ERCC6: variants seen among roughly 807,000 people sequenced by gnomAD.
ERCC6 encodes the protein ERCC excision repair 6, chromatin remodeling factor.
A neutral mutation model predicts 158.7 loss-of-function variants in ERCC6; 116 were observed. That is an observed-to-expected ratio of 0.73 (90% CI 0.63 to 0.85). The LOEUF (loss-of-function observed/expected upper bound fraction) is 0.85. ERCC6 is among the 40% of genes least tolerant of loss of function. The probability of loss-of-function intolerance (pLI) is 0.00; values close to 1 mark genes in which losing one functional copy is unlikely to be tolerated. For missense variants in ERCC6, 1,698 were observed against 1,799.4 expected, an observed-to-expected ratio of 0.94 and a Z score of 1.02; for synonymous variants, 678 against 659.3, an observed-to-expected ratio of 1.03 and a Z score of -0.43.
At chr10:49,475,519 A>C in intron 12 of ERCC6, 1 of 391,380 alleles carries the variant, frequency 2.6e-6, no homozygotes, top group South Asian at 2.0e-5. Flanking sequence ...ATAAGAAATG[A>C]AATAAGAAAT....
rs1850458279 is a variant in ERCC6 at position 49,454,741 on chromosome 10, T to C, written c.*4074A>G. On this transcript the variant is annotated 3_prime_UTR_variant, in exon 21 of 21. Transcript: ENST00000355832. ...AAAGCTATACAATTATATCAATATA[T>C]ACCAGAAAAGACTTTGAGGACAATC... is the stretch of plus-strand genomic sequence containing the variant. Among the ~76,000 whole-genome samples, 1 of 152,164 alleles carries C rather than the reference T, an allele frequency of 6.6e-6. No individual in the cohort carries two copies. Among genetic ancestry groups the C allele is most frequent in the South Asian group, 2.1e-4 (1 of 4,836 alleles).
At chr10:49,452,360 A>G (rs1052133100), downstream of ERCC6, among the ~76,000 whole-genome samples, 5 of 151,940 alleles carry the variant, frequency 3.3e-5, no homozygotes, top group Admixed American at 2.6e-4. Context: ...GTCATTTAGT[A>G]GTGTGTTGTT....
At chr10:49,487,562 ACCAT>A (rs142013483) in intron 8 of ERCC6, among the ~76,000 whole-genome samples, 3,593 of 152,168 alleles carry the variant, frequency 0.024, 148 homozygotes, top group African/African-American at 0.081. Context: ...CCAGAGAAAA[ACCAT>A]CCACCTTTAG....
Position 49,532,843 on chromosome 10 carries a change from A to G in ERCC6, c.122T>C (p.Val41Ala). 6.2e-7 allele frequency: 1 copy of G among 1,613,924 alleles called. No homozygotes were observed. Among genetic ancestry groups the G allele is most frequent in the Non-Finnish European group, 8.5e-7 (1 of 1,179,966 alleles). The part of the protein sequence containing the change: ...IKQESGGDGE[V>A]EEYLSFRSVG... ...AGAACGAAAGGAGAGGTACTCCTCC[A>G]CCTCCCCATCACCACCACTTTCTTG... is the stretch of plus-strand genomic sequence containing the variant. The change falls in exon 2 of 21, where the codon GTG becomes GCG. Residue 41 changes from valine to alanine, a missense_variant. Transcript: ENST00000355832.
intron 8 of ERCC6, 109 bp downstream of exon 8, chr10:49,493,008 A>G: frequency 1.7e-6 from 2 of 1,183,700 alleles, no homozygotes; most frequent in Non-Finnish European, 2.4e-6. Flanking sequence ...AATGCAGGAA[A>G]AAAAACACAG....
At chr10:49,490,306 T>C (rs187405520) in intron 8 of ERCC6, among the ~76,000 whole-genome samples, 49 of 151,728 alleles carry the variant, frequency 3.2e-4, no homozygotes, top group Admixed American at 1.8e-3. Flanking sequence ...ATGATAGATG[T>C]GCTTAATTGA....
chr10:49,444,446 T>C, the ERCC6 span, among the ~76,000 whole-genome samples: 1 of 152,078 alleles, frequency 6.6e-6, no homozygotes, highest in Admixed American at 6.5e-5. Context: ...ACTGCAGCAC[T>C]GGAGGAGGCA....
At chr10:49,523,951 T>A (rs1837241147) in intron 5 of ERCC6, 82 bp downstream of exon 5, 9 of 1,576,654 alleles carry the variant, frequency 5.7e-6, no homozygotes, top group Non-Finnish European at 8.6e-7. Context: ...TTAAGCTGGA[T>A]CTAGAATGCT....
At chr10:49,468,061 T>C (rs1850708584) in intron 18 of ERCC6, among the ~76,000 whole-genome samples, 1 of 152,212 alleles carries the variant, frequency 6.6e-6, no homozygotes, top group Non-Finnish European at 1.5e-5. Context: ...CAGTCTTAGC[T>C]GGTGGGAACA....
At chr10:49,523,310 C>T (rs1049068095) in intron 5 of ERCC6, among the ~76,000 whole-genome samples, 1 of 152,218 alleles carries the variant, frequency 6.6e-6, no homozygotes, top group African/African-American at 2.4e-5. Flanking sequence ...GATTATTTTT[C>T]CTGGCTCTCA....
intron 8 of ERCC6, 118 bp downstream of exon 8, chr10:49,492,999 A>AT: frequency 2.9e-6 from 3 of 1,044,844 alleles, no homozygotes; most frequent in Non-Finnish European, 4.2e-6. Flanking sequence ...TTAACTTTAA[A>AT]TGCAGGAAAA....
intron 8 of ERCC6, among the ~76,000 whole-genome samples, chr10:49,490,682 C>T (rs1326383081): frequency 6.6e-6 from 1 of 152,142 alleles, no homozygotes. Context: ...ATACCAGCTA[C>T]AACAAAGCAT....
intron 16 of ERCC6, 142 bp from the exon 17 acceptor site, chr10:49,471,262 A>T (rs1850774873): frequency 1.3e-6 from 1 of 789,288 alleles, no homozygotes; most frequent in Non-Finnish European, 2.1e-6. Context: ...GCCTTGGAAA[A>T]TTACAATTCA....
intron 5 of ERCC6, among the ~76,000 whole-genome samples, chr10:49,517,966 T>G (rs967163943): frequency 6.6e-6 from 1 of 152,238 alleles, no homozygotes; most frequent in Non-Finnish European, 1.5e-5. Flanking sequence ...GAGAGTTTTG[T>G]TTTTTCTCTT....
Position 49,538,987 on chromosome 10 carries a change from G to T in ERCC6, c.-40C>A, listed in dbSNP as rs1347422964. ...CCAGGGCCGCGCGAGCGCCCACAAGGAAACAGAGACGCTACCGCCGCCAGC... is the reference window on the plus strand; with the variant it reads ...CCAGGGCCGCGCGAGCGCCCACAAGTAAACAGAGACGCTACCGCCGCCAGC... On this transcript the variant is annotated 5_prime_UTR_variant, in exon 1 of 21. Coordinates refer to ENST00000355832, the MANE Select transcript of ERCC6 (RefSeq NM_000124.4). 2 of 152,738 alleles carry T rather than the reference G, an allele frequency of 1.3e-5. No homozygotes were observed. The highest frequency in any genetic ancestry group is 2.9e-5 in the Non-Finnish European group (2 of 68,476). The allele number at this position is 152,738 out of a possible 1,614,324, so 9.5% of individuals were successfully genotyped here.
intron 10 of ERCC6, among the ~76,000 whole-genome samples, chr10:49,481,900 C>T (rs1256073179): frequency 6.6e-6 from 1 of 152,214 alleles, no homozygotes; most frequent in Non-Finnish European, 1.5e-5. Context: ...CCAGTGGTTC[C>T]TGCAGGTCAC....
At chr10:49,515,164 T>C in intron 5 of ERCC6, 1 of 1,319,124 alleles carries the variant, frequency 7.6e-7, no homozygotes. Flanking sequence ...ATGAAATTCA[T>C]ATATGTTACC....
intron 8 of ERCC6, among the ~76,000 whole-genome samples, chr10:49,483,898 C>G (rs1272227010): frequency 1.3e-5 from 2 of 151,842 alleles, no homozygotes; most frequent in Admixed American, 6.6e-5. Flanking sequence ...TCCAAAGAGA[C>G]AAGGCAGACA....
In ERCC6 at chr10:49,458,963, G is replaced by C. The variant is rs1365686365; in HGVS notation, c.4334C>G (p.Ala1445Gly). 2 of 1,614,064 alleles carry C rather than the reference G, an allele frequency of 1.2e-6. No homozygotes were observed. Among genetic ancestry groups the C allele is most frequent in the Admixed American group, 1.7e-5 (1 of 60,010 alleles). Residue 1445 changes from alanine to glycine, a missense_variant, in exon 21 of 21, where the codon GCC becomes GGC. Ala to Gly is a moderately conservative substitution (Grantham distance 60, BLOSUM62 0). Transcript: ENST00000355832. ...CTCCTGCAGTATCTCCCTGGTGCTG[G>C]CCTGGCCATCAGTGTGGGCCTGGAA... is the stretch of plus-strand genomic sequence containing the variant. ...IAFQAHTDGQ[A>G]STREILQEFE...
Sources: gnomAD v4.1 joint callset for allele counts (sites outside exome capture counted in the v4.1 genomes callset) on GRCh38, gnomAD v4.1.1 for gene constraint, MANE v1.5 for transcripts, NCBI Gene and HGNC (gene_info 2026-07-23, HGNC 2026-07-21) for gene names.